The following FAF1 variants were observed in gnomAD, a reference collection of about 807,000 sequenced individuals.
FAF1 encodes Fas associated factor 1.
Under a neutral mutation model 92.5 loss-of-function variants are expected in FAF1, and 25 were observed. That is an observed-to-expected ratio of 0.27 (90% CI 0.20 to 0.38). FAF1 has a LOEUF of 0.38. FAF1 is among the 10% of genes least tolerant of loss of function. The pLI, the probability that FAF1 is intolerant of heterozygous loss-of-function variation, is 1.00. For missense variants in FAF1, 636 were observed against 793.3 expected (o/e 0.80, Z 2.38); for synonymous variants, 234 against 273.2 (o/e 0.86, Z 1.42).
chr1:50,914,560 C>T (rs928998560), intron 1 of FAF1, among the ~76,000 whole-genome samples: 4 of 152,294 alleles, frequency 2.6e-5, no homozygotes, highest in African/African-American at 7.2e-5. Context: ...TGCCTTTATG[C>T]TTAGGCTACT....
intron 8 of FAF1, among the ~76,000 whole-genome samples, chr1:50,648,042 TGAG>T (rs1171657993): frequency 2.0e-5 from 3 of 152,074 alleles, no homozygotes; most frequent in African/African-American, 7.2e-5. Flanking sequence ...GTGGATAACC[TGAG>T]GTCAGGAGTT....
chr1:50,456,234 A>T (rs572441895), intron 18 of FAF1, among the ~76,000 whole-genome samples: 1 of 152,234 alleles, frequency 6.6e-6, no homozygotes, highest in South Asian at 2.1e-4. Flanking sequence ...CAGGGACTAC[A>T]CTGCAGGCTT....
chr1:50,675,671 C>T (rs1656086562), intron 7 of FAF1, among the ~76,000 whole-genome samples: 1 of 152,102 alleles, frequency 6.6e-6, no homozygotes, highest in South Asian at 2.1e-4. Context: ...AAACTGGTTG[C>T]AAATAAAATA....
chr1:50,846,747 A>G, intron 2 of FAF1: 1 of 704,652 alleles, frequency 1.4e-6, no homozygotes, highest in Non-Finnish European at 2.5e-6. Context: ...GAATATTGTC[A>G]AACACCCTCT....
intron 1 of FAF1, among the ~76,000 whole-genome samples, chr1:50,948,430 C>G (rs180842920): frequency 4.9e-4 from 74 of 152,246 alleles, no homozygotes; most frequent in African/African-American, 1.7e-3. Context: ...AAGCGGGAGA[C>G]AGCCTCTCAC....
intron 12 of FAF1, among the ~76,000 whole-genome samples, chr1:50,574,138 C>G (rs1650598417): frequency 1.3e-5 from 2 of 152,084 alleles, no homozygotes. Context: ...AAAAGAAAAG[C>G]CTAAAGTAAA....
chr1:50,630,283 A>C (rs1047912527), intron 8 of FAF1, among the ~76,000 whole-genome samples: 1 of 152,226 alleles, frequency 6.6e-6, no homozygotes, highest in Admixed American at 6.5e-5. Flanking sequence ...ATTAAACTAA[A>C]ATTCAAAAAG....
chr1:50,755,638 T>C (rs1010053197), intron 4 of FAF1, among the ~76,000 whole-genome samples: 4 of 152,124 alleles, frequency 2.6e-5, no homozygotes, highest in African/African-American at 9.7e-5. Context: ...ACATTTCCCT[T>C]TTGCGCTGCC....
At chr1:50,820,335 C>T (rs1044985290) in intron 2 of FAF1, among the ~76,000 whole-genome samples, 1 of 152,072 alleles carries the variant, frequency 6.6e-6, no homozygotes, top group Admixed American at 6.5e-5. Flanking sequence ...TCTCCCCAGG[C>T]TTAATGGGGT....
chr1:50,806,573 G>A (rs766732312), intron 2 of FAF1, among the ~76,000 whole-genome samples: 3 of 152,100 alleles, frequency 2.0e-5, no homozygotes, highest in African/African-American at 2.4e-5. Context: ...ACAAATGAAC[G>A]CAGAGCCCAC....
chr1:50,700,051 A>G (rs1464641681), intron 7 of FAF1, among the ~76,000 whole-genome samples: 2 of 152,040 alleles, frequency 1.3e-5, no homozygotes, highest in African/African-American at 4.8e-5. Flanking sequence ...AAAAACTCCA[A>G]TTGGCTTTTC....
intron 8 of FAF1, among the ~76,000 whole-genome samples, chr1:50,607,803 T>C (rs1652495689): frequency 6.6e-6 from 1 of 152,222 alleles, no homozygotes; most frequent in Non-Finnish European, 1.5e-5. Flanking sequence ...ATAAACCTCA[T>C]TTATTCAGCT....
chr1:50,959,507 A>G (rs902696722), intron 1 of FAF1, among the ~76,000 whole-genome samples: 1 of 152,110 alleles, frequency 6.6e-6, no homozygotes, highest in African/African-American at 2.4e-5. Context: ...AACACTACAC[A>G]TTCCACACAC....
At chr1:50,840,597 A>G (rs1644247714) in intron 2 of FAF1, among the ~76,000 whole-genome samples, 1 of 152,002 alleles carries the variant, frequency 6.6e-6, no homozygotes, top group African/African-American at 2.4e-5. Context: ...CTAACTATAT[A>G]CTTTAGATTT....
chr1:50,753,068 A>T (rs545850586), intron 4 of FAF1, among the ~76,000 whole-genome samples: 1 of 152,230 alleles, frequency 6.6e-6, no homozygotes, highest in African/African-American at 2.4e-5. Flanking sequence ...TCTAAATTTA[A>T]TAAGTTTAAA....
intron 1 of FAF1, among the ~76,000 whole-genome samples, chr1:50,922,421 T>C: frequency 8.5e-6 from 1 of 118,078 alleles, no homozygotes; most frequent in Middle Eastern, 8.6e-3. Flanking sequence ...ATCGCGCCAT[T>C]GCACTCCAGC....
At chr1:50,913,398 G>A (rs1183602799) in intron 1 of FAF1, among the ~76,000 whole-genome samples, 3 of 152,160 alleles carry the variant, frequency 2.0e-5, no homozygotes, top group Non-Finnish European at 2.9e-5. Context: ...GAGATCAAGT[G>A]GCATGTGCAA....
At chr1:50,529,942 ATAAG>A (rs1303310413) in intron 15 of FAF1, among the ~76,000 whole-genome samples, 1 of 152,198 alleles carries the variant, frequency 6.6e-6, no homozygotes, top group Non-Finnish European at 1.5e-5. Flanking sequence ...AAATCACTGG[ATAAG>A]TAACTATTTT....
chr1:50,949,328 T>C (rs1645196170), intron 1 of FAF1, among the ~76,000 whole-genome samples: 1 of 152,246 alleles, frequency 6.6e-6, no homozygotes, highest in Admixed American at 6.5e-5. Flanking sequence ...TCTCCAATAC[T>C]GTCAACATTT....
Sources: allele counts gnomAD v4.1 joint callset (sites outside exome capture counted in the v4.1 genomes callset), GRCh38; gene constraint gnomAD v4.1.1; transcripts MANE v1.5; gene names NCBI Gene and HGNC (gene_info 2026-07-23, HGNC 2026-07-21).